TEX15: variants seen among roughly 807,000 people sequenced by gnomAD.
The protein encoded by TEX15 is testis expressed 15, meiosis and synapsis associated, also known as testis-expressed protein 15.
In TEX15, 171 loss-of-function variants were observed where a neutral mutation model predicts 237.3. The ratio of observed to expected loss-of-function variants is 0.72; its 90% confidence interval spans 0.64 to 0.82. The LOEUF (loss-of-function observed/expected upper bound fraction) is 0.82. TEX15 is among the 40% of genes least tolerant of loss of function. TEX15 has a pLI of 0.00. For missense variants in TEX15, 3,750 were observed against 3,646.5 expected (o/e 1.03, Z -0.73); for synonymous variants, 1,338 against 1,269.8 (o/e 1.05, Z -1.14).
At chr8:30,886,890 C>T (rs1808659596) in intron 3 of TEX15, 1 of 254,914 alleles carries the variant, frequency 3.9e-6, no homozygotes, top group Non-Finnish European at 7.3e-6. Context: ...CTGAGTCTCA[C>T]ATTCCCTAGT....
intron 3 of TEX15, among the ~76,000 whole-genome samples, chr8:30,886,571 C>T (rs151232040): frequency 2.3e-3 from 344 of 149,246 alleles, no homozygotes; most frequent in Non-Finnish European, 3.9e-3. Flanking sequence ...CTACGTGGAT[C>T]ACCACTGGCA....
chr8:30,886,608 T>C (rs1808651433), intron 3 of TEX15, among the ~76,000 whole-genome samples: 1 of 152,202 alleles, frequency 6.6e-6, no homozygotes. Flanking sequence ...GGGTACCTTG[T>C]TCCTGCTGGG....
chr8:30,869,908 C>T lies in TEX15; in HGVS notation c.303-2406G>A, dbSNP rs530941258. Among the ~76,000 whole-genome samples the T allele has an allele frequency of 6.6e-5, 10 of 151,766 alleles. No individual in the cohort carries two copies. In the South Asian group the frequency reaches 1.5e-3, roughly 22 times the overall value. On this transcript the variant is annotated intron_variant, in intron 4 of 10. Coordinates refer to ENST00000643185, the MANE Select transcript of TEX15 (RefSeq NM_001350162.2). ...ACATTAATAAGCATCAGAATCTGTG[C>T]TAAAATAATATTTATATTATCTTAA...
Position 30,847,523 on chromosome 8 carries a change from T to C in TEX15, c.2644A>G (p.Ile882Val), listed in dbSNP as rs765352855. Reference protein sequence around the residue: ...ASCVENNIENIYGDKKQDSHT... With the variant: ...ASCVENNIENVYGDKKQDSHT... ...GAATCCTGCTTTTTGTCTCCATATA[T>C]GTTCTCTATGTTGTTTTCTACACAT... The change falls in exon 8 of 11, where the codon ATA becomes GTA. Residue 882 changes from isoleucine to valine, a missense_variant. By Grantham distance (29) the Ile-to-Val change is conservative. Transcript: ENST00000643185. 8 of 1,613,364 alleles carry C rather than the reference T, an allele frequency of 5.0e-6. No individual in the cohort carries two copies. Among genetic ancestry groups the C allele is most frequent in the Admixed American group, 1.7e-5 (1 of 59,994 alleles).
intron 1 of TEX15, among the ~76,000 whole-genome samples, chr8:30,900,543 CATT>C (rs1319993590): frequency 3.9e-5 from 6 of 152,108 alleles, no homozygotes; most frequent in Non-Finnish European, 7.4e-5. Context: ...TAAGTTAGTA[CATT>C]AATAAGAATC....
chr8:30,870,964 G>A (rs1356610219), intron 4 of TEX15, among the ~76,000 whole-genome samples: 3 of 151,990 alleles, frequency 2.0e-5, no homozygotes, highest in African/African-American at 4.8e-5. Flanking sequence ...TTACCAGCAA[G>A]GAGATTTCCC....
intron 5 of TEX15, among the ~76,000 whole-genome samples, chr8:30,861,496 T>C (rs929361951): frequency 2.6e-5 from 4 of 152,166 alleles, no homozygotes; most frequent in Admixed American, 6.5e-5. Flanking sequence ...AATAAAGTGG[T>C]ATCCTGAATT....
intron 1 of TEX15, among the ~76,000 whole-genome samples, chr8:30,908,178 C>A (rs28729090): frequency 0.22 from 33,190 of 152,026 alleles, 5,068 homozygotes; most frequent in African/African-American, 0.42. Context: ...CCCACCTCAG[C>A]CTTCTAAGGT....
intron 2 of TEX15, among the ~76,000 whole-genome samples, chr8:30,897,402 A>G (rs914552920): frequency 6.6e-6 from 1 of 152,210 alleles, no homozygotes; most frequent in Admixed American, 6.5e-5. Context: ...GCCTCATTAC[A>G]TTAAACAGTC....
chr8:30,889,447 G>T (rs536522487), intron 2 of TEX15, among the ~76,000 whole-genome samples: 1 of 151,908 alleles, frequency 6.6e-6, no homozygotes, highest in East Asian at 1.9e-4. Context: ...ATGAGACTCC[G>T]GCTCAAAGAA....
At chr8:30,887,078 TAG>T (rs1042946319) in intron 3 of TEX15, 87 bp downstream of exon 3, 1 of 1,204,002 alleles carries the variant, frequency 8.3e-7, no homozygotes, top group Non-Finnish European at 1.1e-6. Context: ...TAATTTTATA[TAG>T]AGTCAAAATA....
chr8:30,860,622 T>C (rs1808028259), intron 5 of TEX15, among the ~76,000 whole-genome samples: 1 of 147,210 alleles, frequency 6.8e-6, no homozygotes, highest in Middle Eastern at 3.9e-3. Context: ...TGGAGTGCAG[T>C]GGTGTGATCT....
At position 30,846,928 on chromosome 8, in the gene TEX15, C is replaced by T; in HGVS notation, c.3239G>A (p.Ser1080Asn). 1 of 1,613,662 alleles carries T rather than the reference C, an allele frequency of 6.2e-7. No homozygotes were observed. The highest frequency in any genetic ancestry group is 1.3e-5 in the African/African-American group (1 of 75,014). ...TTCTTCACAAAGCATGTTTTCATGG[C>T]TATGTGTATCTTGTTGAAATATAAA... ...DAFIFQQDTH[S>N]HENMLCEEFV... The change falls in exon 8 of 11, where the codon AGC (serine) becomes AAC (asparagine). Residue 1080 changes from serine (S) to asparagine (N), a missense_variant. Physicochemically the swap from Ser to Asn is conservative, Grantham distance 46. Transcript: ENST00000643185.
chr8:30,838,817 TATATG>T (rs1807377700), intron 9 of TEX15, among the ~76,000 whole-genome samples: 1 of 93,846 alleles, frequency 1.1e-5, no homozygotes, highest in Non-Finnish European at 2.2e-5. Flanking sequence ...TATATATATA[TATATG>T]AATTTTTTTT....
intron 7 of TEX15, among the ~76,000 whole-genome samples, chr8:30,856,494 C>A (rs565923192): frequency 6.6e-6 from 1 of 151,914 alleles, no homozygotes; most frequent in African/African-American, 2.4e-5. Context: ...GCGGAGGCTG[C>A]GGTGAGCCAA....
intron 1 of TEX15, among the ~76,000 whole-genome samples, chr8:30,904,066 A>T (rs1224323074): frequency 6.6e-6 from 1 of 152,224 alleles, no homozygotes; most frequent in Non-Finnish European, 1.5e-5. Flanking sequence ...AGGGAAATAC[A>T]AAGAAATAAT....
Position 30,837,935 on chromosome 8 carries a change from G to C in TEX15, c.8349C>G (p.Pro2783=). The change falls in exon 10 of 11, where the codon CCC becomes CCG. Residue 2783 remains proline (P), a synonymous_variant. Coordinates refer to ENST00000643185, the MANE Select transcript of TEX15 (RefSeq NM_001350162.2). ...CGCAAGTGTCTTTTGGGTTCTCTAA[G>C]GGTAAAAGTGAGCCAGGTAGTGATC... ...MQRSLPGSLL[P]LENPKDTCAS... 6.2e-7 allele frequency: 1 copy of C among 1,614,126 alleles called. No individual in the cohort carries two copies. Among genetic ancestry groups the C allele is most frequent in the East Asian group, 2.2e-5 (1 of 44,876 alleles).
chr8:30,866,363 G>A (rs1266551629), intron 5 of TEX15, among the ~76,000 whole-genome samples: 1 of 145,676 alleles, frequency 6.9e-6, no homozygotes, highest in Non-Finnish European at 1.5e-5. Flanking sequence ...AAGGAGAAAG[G>A]GGAAGAGGAA....
chr8:30,854,125 A>C (rs1807848940), intron 7 of TEX15, among the ~76,000 whole-genome samples: 2 of 151,920 alleles, frequency 1.3e-5, no homozygotes, highest in South Asian at 4.1e-4. Flanking sequence ...AATCTAAAGC[A>C]AACAGAAAAA....
Sources: gnomAD v4.1 joint callset for allele counts (sites outside exome capture counted in the v4.1 genomes callset) on GRCh38, gnomAD v4.1.1 for gene constraint, MANE v1.5 for transcripts, NCBI Gene and HGNC (gene_info 2026-07-23, HGNC 2026-07-21) for gene names.